DOCK8: variants seen among roughly 807,000 people sequenced by gnomAD.
DOCK8 encodes dedicator of cytokinesis 8, also known as dedicator of cytokinesis protein 8.
Under a neutral mutation model 245.6 loss-of-function variants are expected in DOCK8, and 141 were observed. The observed-to-expected ratio is 0.57, with a 90% confidence interval of 0.50 to 0.66. The LOEUF (loss-of-function observed/expected upper bound fraction) is 0.66. Among genes scored for constraint, DOCK8 ranks in the 30% least tolerant of loss-of-function variants. The probability of loss-of-function intolerance (pLI) is 0.00; values close to 1 mark genes in which losing one functional copy is unlikely to be tolerated. For missense variants in DOCK8, 2,965 were observed against 2,603.4 expected (o/e 1.14, Z -3.02); for synonymous variants, 1,168 against 970.2 (o/e 1.20, Z -3.79).
At chr9:275,047 G>T (rs1443111815) in intron 2 of DOCK8, among the ~76,000 whole-genome samples, 2 of 152,226 alleles carry the variant, frequency 1.3e-5, no homozygotes, top group Non-Finnish European at 2.9e-5. Flanking sequence ...AATCTGGGAT[G>T]AGGTACAGTT....
intron 8 of DOCK8, among the ~76,000 whole-genome samples, chr9:326,947 C>G (rs1378340430): frequency 6.6e-6 from 1 of 152,190 alleles, no homozygotes; most frequent in Non-Finnish European, 1.5e-5. Flanking sequence ...AAGGAGAGAA[C>G]CCAACCATAC....
intron 23 of DOCK8, among the ~76,000 whole-genome samples, 197 bp downstream of exon 23, chr9:386,623 T>C (rs1049961369): frequency 9.9e-5 from 15 of 152,170 alleles, no homozygotes; most frequent in African/African-American, 3.4e-4. Context: ...ATTAACTCAG[T>C]GTTTCTCCCA....
chr9:373,015 A>C (rs2131227426), intron 18 of DOCK8, among the ~76,000 whole-genome samples: 1 of 152,184 alleles, frequency 6.6e-6, no homozygotes, highest in East Asian at 1.9e-4. Context: ...AAATACAAAA[A>C]AATTAGCCGG....
intron 19 of DOCK8, 63 bp from the exon 20 acceptor site, chr9:376,914 G>C (rs2053541292): frequency 4.9e-6 from 7 of 1,428,528 alleles, no homozygotes; most frequent in African/African-American, 2.8e-5. Context: ...GATTGTGTTT[G>C]TGAATCCACT....
At chr9:334,701 AC>A (rs1378634892) in intron 11 of DOCK8, among the ~76,000 whole-genome samples, 1 of 152,090 alleles carries the variant, frequency 6.6e-6, no homozygotes, top group East Asian at 1.9e-4. Flanking sequence ...AAATGTAGTA[AC>A]CATCTGTAGT....
At chr9:280,111 CAT>C (rs562367179) in intron 2 of DOCK8, among the ~76,000 whole-genome samples, 259 of 147,534 alleles carry the variant, frequency 1.8e-3, no homozygotes, top group African/African-American at 6.2e-3. Flanking sequence ...TAGCCTTTGA[CAT>C]GTGTTAGGGG....
At chr9:403,944 GTGTATA>G (rs1350170260) in intron 26 of DOCK8, among the ~76,000 whole-genome samples, 16 of 68,362 alleles carry the variant, frequency 2.3e-4, no homozygotes, top group African/African-American at 1.5e-3. Context: ...ATATATATAT[GTGTATA>G]TATATATATG....
At chr9:296,695 C>G (rs988503241) in intron 4 of DOCK8, among the ~76,000 whole-genome samples, 5 of 152,188 alleles carry the variant, frequency 3.3e-5, no homozygotes, top group South Asian at 2.1e-4. Flanking sequence ...TTATGACATG[C>G]ATTTGTTGTG....
chr9:314,885 G>A (rs562179283), intron 6 of DOCK8, among the ~76,000 whole-genome samples: 3 of 152,286 alleles, frequency 2.0e-5, no homozygotes, highest in African/African-American at 7.2e-5. Context: ...AGTTATGGCT[G>A]AGTCTACAGG....
chr9:300,529 A>G (rs150484822), intron 4 of DOCK8, among the ~76,000 whole-genome samples: 80 of 152,304 alleles, frequency 5.3e-4, no homozygotes, highest in African/African-American at 1.9e-3. Flanking sequence ...GTGAAAATCC[A>G]TACAAAAGAT....
intron 8 of DOCK8, among the ~76,000 whole-genome samples, chr9:326,387 C>T (rs1336158178): frequency 1.3e-5 from 2 of 152,196 alleles, no homozygotes; most frequent in African/African-American, 2.4e-5. Context: ...ACTGCTAAAA[C>T]AAGCAGAACC....
At chr9:383,496 C>G (rs2053813947) in intron 22 of DOCK8, among the ~76,000 whole-genome samples, 1 of 152,100 alleles carries the variant, frequency 6.6e-6, no homozygotes, top group African/African-American at 2.4e-5. Flanking sequence ...TGTGCCATTT[C>G]ACTCTAGCCT....
chr9:254,229 A>G (rs1010672624), intron 1 of DOCK8, among the ~76,000 whole-genome samples: 15 of 152,328 alleles, frequency 9.8e-5, no homozygotes, highest in African/African-American at 3.6e-4. Flanking sequence ...ACTGAGATGC[A>G]ATTCCATTCC....
At position 307,302 on chromosome 9, in the gene DOCK8, A is replaced by T. The variant is rs1392693160; in HGVS notation, c.528+2598A>T. Reference sequence around the variant, plus strand: ...ACGCTTTCCTGCAGCATACTAGCAGAGAACTCAAGTCACTGTGTTGTGTGT... The same window carrying T: ...ACGCTTTCCTGCAGCATACTAGCAGTGAACTCAAGTCACTGTGTTGTGTGT... On this transcript the variant is annotated intron_variant, in intron 5 of 47. Transcript: ENST00000432829. 2.8e-5 allele frequency among the ~76,000 whole-genome samples: 4 copies of T among 143,516 alleles called. No individual in the cohort carries two copies. The South Asian group carries it at 9.2e-4, about 33-fold the overall frequency. 94.2% of individuals were successfully genotyped at this position (143,516 alleles called of 152,430 possible).
At chr9:431,564 A>C (rs1483164899) in intron 36 of DOCK8, among the ~76,000 whole-genome samples, 1 of 152,148 alleles carries the variant, frequency 6.6e-6, no homozygotes, top group East Asian at 1.9e-4. Flanking sequence ...GCTGGAGTGC[A>C]GTGGCGAGAT....
At position 413,047 on chromosome 9, in the gene DOCK8, TGACATATGATA is replaced by T. The variant is rs557864298; in HGVS notation, c.3531-1727_3531-1717del. Among the ~76,000 whole-genome samples, 49 of 152,306 alleles carry T rather than the reference TGACATATGATA, an allele frequency of 3.2e-4. No individual in the cohort carries two copies. In the East Asian group the frequency reaches 8.7e-3, roughly 27 times the overall value. ...AAAAGTAGTCAAGACTATGGGGTTC[TGACATATGATA>T]GACATATAGATCAATGAAATTGGGT... On this transcript the variant is annotated intron_variant, in intron 28 of 47. Coordinates refer to ENST00000432829, the MANE Select transcript of DOCK8 (RefSeq NM_203447.4).
At chr9:456,400 T>C (rs1050549506) in intron 46 of DOCK8, 1 of 152,234 alleles carries the variant, frequency 6.6e-6, no homozygotes, top group African/African-American at 2.4e-5. Flanking sequence ...CTCTCAGGTT[T>C]CCCCTTTAGT....
chr9:385,532 C>A (rs2053916366), intron 22 of DOCK8, among the ~76,000 whole-genome samples: 1 of 152,216 alleles, frequency 6.6e-6, no homozygotes, highest in South Asian at 2.1e-4. Flanking sequence ...TTTACGTTTA[C>A]TGTGTCTGTG....
At chr9:330,548 T>C (rs1427825991) in intron 9 of DOCK8, among the ~76,000 whole-genome samples, 1 of 152,178 alleles carries the variant, frequency 6.6e-6, no homozygotes, top group Admixed American at 6.5e-5. Flanking sequence ...AATTGGACAA[T>C]GATCCCTGTG....
Sources: allele counts gnomAD v4.1 joint callset (sites outside exome capture counted in the v4.1 genomes callset), GRCh38; gene constraint gnomAD v4.1.1; transcripts MANE v1.5; gene names NCBI Gene and HGNC (gene_info 2026-07-23, HGNC 2026-07-21).